Variants in RMST observed in about 807,000 individuals in gnomAD.
The protein encoded by RMST is rhabdomyosarcoma 2 associated transcript.
intron 13 of RMST, among the ~76,000 whole-genome samples, chr12:97,562,932 G>A (rs144361260): frequency 6.6e-6 from 1 of 152,262 alleles, no homozygotes; most frequent in East Asian, 1.9e-4. Context: ...ATAAAGCAGA[G>A]GGCAGTGCTT....
chr12:97,480,291 C>T (rs1422285275), intron 5 of RMST, among the ~76,000 whole-genome samples: 1 of 151,872 alleles, frequency 6.6e-6, no homozygotes, highest in African/African-American at 2.4e-5. Context: ...GGGGTTTCAC[C>T]GTGTTAGCTA....
At chr12:97,560,376 C>T (rs547456405) in intron 11 of RMST, among the ~76,000 whole-genome samples, 2 of 152,088 alleles carry the variant, frequency 1.3e-5, no homozygotes, top group Non-Finnish European at 2.9e-5. Flanking sequence ...AAAGCAGCTG[C>T]GTTTTTGTAA....
At chr12:97,473,935 C>T (rs1874222341) in intron 5 of RMST, among the ~76,000 whole-genome samples, 1 of 152,076 alleles carries the variant, frequency 6.6e-6, no homozygotes, top group Non-Finnish European at 1.5e-5. Flanking sequence ...TTATTCTCTT[C>T]TTTTCTCTGG....
intron 5 of RMST, among the ~76,000 whole-genome samples, chr12:97,476,399 A>T (rs1874554466): frequency 6.6e-6 from 1 of 152,180 alleles, no homozygotes; most frequent in Admixed American, 6.5e-5. Flanking sequence ...AAGTGTGTAT[A>T]GAAACTCGGA....
intron 11 of RMST, chr12:97,541,185 T>C (rs1053984612): frequency 2.0e-5 from 3 of 151,656 alleles, no homozygotes; most frequent in African/African-American, 4.8e-5. Flanking sequence ...CTATACACAT[T>C]ACCATATTTG....
chr12:97,530,721 A>G (rs1477364968), exon 11 of RMST: 1 of 152,110 alleles, frequency 6.6e-6, no homozygotes, highest in Non-Finnish European at 1.5e-5. Context: ...TACATCTGCA[A>G]AGTTTAATCG....
chr12:97,478,589 C>T (rs772058159), intron 5 of RMST, among the ~76,000 whole-genome samples: 1 of 152,078 alleles, frequency 6.6e-6, no homozygotes, highest in African/African-American at 2.4e-5. Context: ...TAGACAAACA[C>T]CAGTGAGTAT....
intron 5 of RMST, among the ~76,000 whole-genome samples, chr12:97,480,775 G>A (rs1305508701): frequency 1.3e-5 from 2 of 152,038 alleles, no homozygotes; most frequent in African/African-American, 4.8e-5. Context: ...TGCACATACT[G>A]TCTACTTTGC....
intron 11 of RMST, among the ~76,000 whole-genome samples, chr12:97,558,224 C>T (rs1883844797): frequency 6.6e-6 from 1 of 152,134 alleles, no homozygotes; most frequent in African/African-American, 2.4e-5. Context: ...AGCTTGTTCT[C>T]CTTCGTCATG....
At chr12:97,463,942 A>C (rs1456257158) in intron 4 of RMST, among the ~76,000 whole-genome samples, 2 of 152,204 alleles carry the variant, frequency 1.3e-5, no homozygotes, top group Non-Finnish European at 2.9e-5. Flanking sequence ...CTTTGTGTAG[A>C]GATATTACTA....
chr12:97,541,231 C>T (rs78795185), intron 11 of RMST: 1 of 151,654 alleles, frequency 6.6e-6, no homozygotes, highest in African/African-American at 2.4e-5. Flanking sequence ...AGTAATATTG[C>T]ATTCATTTTC....
intron 11 of RMST, among the ~76,000 whole-genome samples, chr12:97,557,046 A>G (rs1883756840): frequency 6.6e-6 from 1 of 152,192 alleles, no homozygotes; most frequent in African/African-American, 2.4e-5. Context: ...GTTAAAATAG[A>G]ATACACCAAG....
At chr12:97,525,579 C>T (rs1236068840) in intron 10 of RMST, among the ~76,000 whole-genome samples, 1 of 152,240 alleles carries the variant, frequency 6.6e-6, no homozygotes, top group Non-Finnish European at 1.5e-5. Context: ...CTTCTGTCCC[C>T]AGACCCAAGT....
chr12:97,525,372 C>T (rs559915139), intron 10 of RMST, among the ~76,000 whole-genome samples: 11 of 152,030 alleles, frequency 7.2e-5, no homozygotes, highest in Non-Finnish European at 1.5e-4. Context: ...TAGGCATTAG[C>T]GGGTGGATCA....
intron 11 of RMST, among the ~76,000 whole-genome samples, chr12:97,544,121 C>T (rs931256815): frequency 6.6e-6 from 1 of 151,970 alleles, no homozygotes; most frequent in Non-Finnish European, 1.5e-5. Flanking sequence ...TAAATAAACA[C>T]TCCAGGTTTT....
At chr12:97,471,071 G>A (rs759804635) in intron 5 of RMST, among the ~76,000 whole-genome samples, 2 of 152,000 alleles carry the variant, frequency 1.3e-5, no homozygotes, top group East Asian at 1.9e-4. Flanking sequence ...TTATGAACAC[G>A]CAAACCAAGT....
intron 10 of RMST, among the ~76,000 whole-genome samples, chr12:97,526,737 T>G (rs1881150319): frequency 6.6e-6 from 1 of 152,198 alleles, no homozygotes; most frequent in South Asian, 2.1e-4. Flanking sequence ...TTATTACTGA[T>G]TTGAGTGAGA....
chr12:97,513,629 C>G (rs1879644055), intron 10 of RMST, among the ~76,000 whole-genome samples: 1 of 152,116 alleles, frequency 6.6e-6, no homozygotes, highest in African/African-American at 2.4e-5. Flanking sequence ...TCTTATATTA[C>G]CTATATAGAC....
intron 10 of RMST, among the ~76,000 whole-genome samples, chr12:97,503,192 A>G (rs928053130): frequency 3.3e-5 from 5 of 152,198 alleles, no homozygotes; most frequent in Admixed American, 6.5e-5. Context: ...TTCTTCTCCT[A>G]TAGCAAAATT....
Sources: allele counts gnomAD v4.1 joint callset (sites outside exome capture counted in the v4.1 genomes callset), GRCh38; gene constraint gnomAD v4.1.1; transcripts MANE v1.5; gene names NCBI Gene and HGNC (gene_info 2026-07-23, HGNC 2026-07-21).